The following TNS1 variants were observed in gnomAD, a reference collection of about 807,000 sequenced individuals.
TNS1 encodes the protein tensin 1.
Under a neutral mutation model 168.6 loss-of-function variants are expected in TNS1, and 62 were observed. The observed-to-expected ratio is 0.37, with a 90% CI of 0.30 to 0.45. TNS1 has a LOEUF of 0.45. Ranked by LOEUF, TNS1 falls within the 20% of genes least tolerant of loss-of-function variation. The pLI is 1.00. For missense variants in TNS1, 2,240 were observed against 2,339.4 expected (o/e 0.96, Z 0.88); for synonymous variants, 934 against 933.2 (o/e 1.00, Z -0.02).
At chr2:217,805,600 C>CT in intron 32 of TNS1, among the ~76,000 whole-genome samples, 1 of 89,800 alleles carries the variant, frequency 1.1e-5, no homozygotes, top group East Asian at 3.7e-4. Flanking sequence ...CACCACCACA[C>CT]ACCACACACA....
intron 4 of TNS1, among the ~76,000 whole-genome samples, chr2:217,908,775 G>A (rs1300519483): frequency 6.6e-6 from 1 of 152,136 alleles, no homozygotes; most frequent in Non-Finnish European, 1.5e-5. Flanking sequence ...AGGCAGCTGG[G>A]GACGGTAGAG....
At chr2:217,979,637 C>T (rs1339989745) in intron 2 of TNS1, among the ~76,000 whole-genome samples, 4 of 152,190 alleles carry the variant, frequency 2.6e-5, no homozygotes, top group African/African-American at 4.8e-5. Context: ...CCAGCCCTGC[C>T]GCCCCACCCC....
In TNS1 at chr2:217,818,305, T is replaced by C; in HGVS notation, c.4027A>G (p.Thr1343Ala). The C allele has an allele frequency of 6.2e-7, 1 of 1,613,536 alleles. No individual in the cohort carries two copies. Among genetic ancestry groups the C allele is most frequent in the Non-Finnish European group, 8.5e-7 (1 of 1,179,802 alleles). ...CACAGGCTGGGGCTCCCCGGGGTGGTCGCTGCACTGCTCTGGGGGCTGGAG... is the reference window on the plus strand; with the variant it reads ...CACAGGCTGGGGCTCCCCGGGGTGGCCGCTGCACTGCTCTGGGGGCTGGAG... ...TVSSPQSSAATTPGSPSLCRH... is the reference protein window; with the variant it reads ...TVSSPQSSAAATPGSPSLCRH... Residue 1343 changes from threonine to alanine, a missense_variant, in exon 24 of 33, where the codon ACC becomes GCC. By Grantham distance (58) the Thr-to-Ala change is moderately conservative (BLOSUM62 0). Transcript: ENST00000682258.
intron 2 of TNS1, among the ~76,000 whole-genome samples, chr2:217,980,697 T>G (rs1484535252): frequency 6.6e-6 from 1 of 152,042 alleles, no homozygotes; most frequent in Admixed American, 6.5e-5. Context: ...CAACATCTCA[T>G]GTTCAACCAA....
rs530834539 is a variant in TNS1 at position 218,025,501 on chromosome 2, C to T, written c.156+8319G>A. Among the ~76,000 whole-genome samples, 4 of 152,150 alleles carry T rather than the reference C, an allele frequency of 2.6e-5. 1 individual carries two copies. The highest frequency in any genetic ancestry group is 2.6e-4 in the Admixed American group (4 of 15,282). On this transcript the variant is annotated intron_variant, in intron 1 of 1. Transcript: ENST00000649572. ...CTGCCCTCAGGTGATCTGCCCACCT[C>T]GGCCTCCCAAAGTGCTGGTATTACA...
chr2:217,856,514 C>T (rs144876926), intron 18 of TNS1, among the ~76,000 whole-genome samples: 144 of 152,254 alleles, frequency 9.5e-4, no homozygotes, highest in Non-Finnish European at 1.6e-3. Context: ...GGGGAATGGG[C>T]TTCTGCAGGG....
chr2:218,024,819 A>C (rs1438159981), intron 1 of TNS1, among the ~76,000 whole-genome samples: 1 of 152,176 alleles, frequency 6.6e-6, no homozygotes, highest in Non-Finnish European at 1.5e-5. Context: ...CTCTGTACCC[A>C]TGCCTCAGTT....
intron 6 of TNS1, 70 bp downstream of exon 6, chr2:217,906,265 T>TA: frequency 9.2e-5 from 55 of 596,086 alleles, no homozygotes; most frequent in East Asian, 1.3e-4. Context: ...ATTATCCACC[T>TA]CCCACCCCAC....
At chr2:217,819,514 C>T (rs553614339) in intron 23 of TNS1, among the ~76,000 whole-genome samples, 63 of 152,232 alleles carry the variant, frequency 4.1e-4, no homozygotes, top group Middle Eastern at 3.4e-3. Context: ...GAGGTCACTA[C>T]CAATTCTGAC....
Position 217,948,811 on chromosome 2 carries a change from A to G in TNS1, c.187-28575T>C, listed in dbSNP as rs1957175757. Among the ~76,000 whole-genome samples, 1 of 152,114 alleles carries G rather than the reference A, an allele frequency of 6.6e-6. No individual in the cohort carries two copies. Among genetic ancestry groups the G allele is most frequent in the Non-Finnish European group, 1.5e-5 (1 of 68,026 alleles). ...ACCACTGTGTCCTCTATGACATCTC[A>G]TTGGCATGCATCTGCATTTGCATCC... On this transcript the variant is annotated intron_variant, in intron 3 of 32. Transcript: ENST00000682258. This position sits in a 1 kb window ranked among gnomAD's most constrained non-coding sequence, Gnocchi z 4.1.
At chr2:217,907,507 G>A (rs757297738) in intron 4 of TNS1, among the ~76,000 whole-genome samples, 3 of 152,218 alleles carry the variant, frequency 2.0e-5, no homozygotes, top group South Asian at 2.1e-4. Flanking sequence ...AGTGCCCGGC[G>A]CCAGGCCTCT....
chr2:217,897,798 C>A lies in TNS1; in HGVS notation c.543G>T (p.Leu181=). 1 of 1,595,944 alleles carries A rather than the reference C, an allele frequency of 6.3e-7. No individual in the cohort carries two copies. The highest frequency in any genetic ancestry group is 8.5e-7 in the Non-Finnish European group (1 of 1,171,140). ...AGTGGGCACGAGGATCCATCCTCAC[C>A]AGGTAGTTGCCTCCATGTTTGGACT... ...MLKSKHGGNY[L]LFNLSERRPD... The change falls in exon 8 of 33, where the codon CTG becomes CTT. Residue 181 remains leucine, a splice_region_variant and synonymous_variant. Transcript: ENST00000682258.
rs759099041 is a variant in TNS1 at position 217,848,957 on chromosome 2, G to T, written c.1560C>A (p.His520Gln). 1 of 1,614,122 alleles carries T rather than the reference G, an allele frequency of 6.2e-7. No homozygotes were observed. Among genetic ancestry groups the T allele is most frequent in the Non-Finnish European group, 8.5e-7 (1 of 1,180,016 alleles). The change falls in exon 19 of 33, where the codon CAC becomes CAA. Residue 520 changes from histidine (H) to glutamine (Q), a missense_variant. This residue lies in a region of TNS1 where 2,131 missense variants were observed against 2,171.2 expected (regional missense o/e 0.98). Coordinates refer to ENST00000682258, the MANE Select transcript of TNS1 (RefSeq NM_001387777.1). ...TGCTCACAGAAAGCGTGTGTTCCACGTGGTTGGGGGTGGCCGACAGTGTAG... is the reference window on the plus strand; with the variant it reads ...TGCTCACAGAAAGCGTGTGTTCCACTTGGTTGGGGGTGGCCGACAGTGTAG... ...TRPTLSATPN[H>Q]VEHTLSVSSD...
At chr2:217,850,639 C>A (rs978793725) in intron 18 of TNS1, 1 of 936,500 alleles carries the variant, frequency 1.1e-6, no homozygotes, top group African/African-American at 1.9e-5. Context: ...GCACGCACCT[C>A]CCCTTACTCT....
At chr2:218,007,572 G>GA (rs1450218757), upstream of TNS1, among the ~76,000 whole-genome samples, 3 of 127,670 alleles carry the variant, frequency 2.3e-5, no homozygotes, top group East Asian at 8.5e-4. Context: ...GGGGTGGGGG[G>GA]GGGGGTTCAG....
At position 217,836,043 on chromosome 2, in the gene TNS1, G is replaced by C; in HGVS notation, c.3176C>G (p.Ala1059Gly). The change falls in exon 20 of 33, where the codon GCT becomes GGT. Residue 1059 changes from alanine to glycine, a missense_variant. Physicochemically the swap from Ala to Gly is moderately conservative, Grantham distance 60 (BLOSUM62 0). Transcript: ENST00000682258. ...CVSPELALTI[A>G]LNPGGRPKEP... ...TTTGGGCCGCCCTCCAGGATTGAGAGCGATGGTAAGAGCCAGCTCCGGGGA... is the reference window on the plus strand; with the variant it reads ...TTTGGGCCGCCCTCCAGGATTGAGACCGATGGTAAGAGCCAGCTCCGGGGA... 6.2e-7 allele frequency: 1 copy of C among 1,614,008 alleles called. No individual in the cohort carries two copies. The highest frequency in any genetic ancestry group is 8.5e-7 in the Non-Finnish European group (1 of 1,179,920).
rs184448505 is a variant in TNS1 at position 217,853,025 on chromosome 2, G to A, written c.1430-3938C>T. On this transcript the variant is annotated intron_variant, in intron 18 of 32. Coordinates refer to ENST00000682258, the MANE Select transcript of TNS1 (RefSeq NM_001387777.1). ...CATAGCAGCAGGATCTGTGGAGCACGTGCCCCTCCTCCTCCCACCAGAGAC... is the reference window on the plus strand; with the variant it reads ...CATAGCAGCAGGATCTGTGGAGCACATGCCCCTCCTCCTCCCACCAGAGAC... Among the ~76,000 whole-genome samples, 18 of 152,050 alleles carry A rather than the reference G, an allele frequency of 1.2e-4. No homozygotes were observed. In the East Asian group the frequency reaches 2.9e-3, roughly 25 times the overall value.
At position 217,817,713 on chromosome 2, in the gene TNS1, T is replaced by G. The variant is rs774953060; in HGVS notation, c.4619A>C (p.Asp1540Ala). The change falls in exon 24 of 33, where the codon GAC becomes GCC. Residue 1540 changes from aspartate to alanine, a missense_variant. Physicochemically the swap from Asp to Ala is moderately radical, Grantham distance 126. Around this residue, in one of 2 missense-constraint regions of TNS1, gnomAD observed 2,131 missense variants for 2,171.2 expected, o/e 0.98. Coordinates refer to ENST00000682258, the MANE Select transcript of TNS1 (RefSeq NM_001387777.1). ...STVSFSHTLP[D>A]FSKYSMPDNS... ...ACCTGGCATGGAGTACTTGGAGAAG[T>G]CGGGCAGAGTGTGGGAGAAGGAGAC... 3.7e-6 allele frequency: 6 copies of G among 1,600,594 alleles called. No homozygotes were observed. Among genetic ancestry groups the G allele is most frequent in the Non-Finnish European group, 5.1e-6 (6 of 1,170,166 alleles).
At chr2:217,906,265 TCCCAC>T in intron 6 of TNS1, 65 bp downstream of exon 6, 2 of 596,244 alleles carry the variant, frequency 3.4e-6, no homozygotes, top group Non-Finnish European at 6.3e-6. Context: ...ATTATCCACC[TCCCAC>T]CCCACCCCAT....
Sources: gnomAD v4.1 joint callset for allele counts (sites outside exome capture counted in the v4.1 genomes callset) on GRCh38, gnomAD v4.1.1 for gene constraint, gnomAD v4.1.1 regional missense constraint, Gnocchi (gnomAD v3.1) non-coding constraint, MANE v1.5 for transcripts, NCBI Gene and HGNC (gene_info 2026-07-23, HGNC 2026-07-21) for gene names.